The following BCR variants were observed in gnomAD, a reference collection of about 807,000 sequenced individuals.
The protein encoded by BCR is BCR activator of RhoGEF and GTPase.
A neutral mutation model predicts 138.6 loss-of-function variants in BCR; 58 were observed. The observed-to-expected ratio is 0.42, with a 90% CI of 0.34 to 0.52. The LOEUF (loss-of-function observed/expected upper bound fraction) is 0.52. Ranked by LOEUF, BCR falls within the 20% of genes least tolerant of loss-of-function variation. The pLI, the probability that BCR is intolerant of heterozygous loss-of-function variation, is 0.06. For missense variants in BCR, 1,599 were observed against 1,727.2 expected (o/e 0.93, Z 1.32); for synonymous variants, 786 against 730.1 (o/e 1.08, Z -1.23).
chr22:23,288,234 C>T, intron 12 of BCR, 62 bp downstream of exon 12: 1 of 1,506,800 alleles, frequency 6.6e-7, no homozygotes, highest in Non-Finnish European at 9.2e-7. Context: ...GCTGGCAGCT[C>T]CTGTGGTTTT....
Position 23,289,806 on chromosome 22 carries a change from T to C in BCR, c.2707+185T>C, listed in dbSNP as rs147688386. The C allele has an allele frequency of 2.6e-3, 1,572 of 609,320 alleles. 18 individuals carry two copies. In the African/African-American group the frequency reaches 0.026, roughly 10 times the overall value. 37.7% of individuals were successfully genotyped at this position (609,320 alleles called of 1,614,324 possible). A position where few individuals can be genotyped will look rare whatever the true frequency, so the allele number is the denominator to read the frequency against. On this transcript the variant is annotated intron_variant, in intron 13 of 22. Coordinates refer to ENST00000305877, the MANE Select transcript of BCR (RefSeq NM_004327.4). ...AGTGGACAAGGTGGGTTAGGAGCAG[T>C]TTCTCCCTGAGTGGCTGCTGCTGGG... is the stretch of plus-strand genomic sequence containing the variant.
intron 11 of BCR, 56 bp downstream of exon 11, chr22:23,287,334 G>A: frequency 1.4e-6 from 2 of 1,481,112 alleles, no homozygotes; most frequent in South Asian, 2.8e-5. Context: ...TGGGCTCCTG[G>A]TTGCCTAATG....
chr22:23,301,759 AC>A (rs892773445), intron 16 of BCR, among the ~76,000 whole-genome samples: 8 of 150,164 alleles, frequency 5.3e-5, no homozygotes, highest in Non-Finnish European at 1.0e-4. Flanking sequence ...GTTCTTGGGG[AC>A]CCCCCCGCCA....
rs1295105702 is a variant in BCR at position 23,180,586 on chromosome 22, G to A, written c.-375G>A. ...CGTCCGAGGAGGCGGCGGCGGCGGC[G>A]GCGGCACGGCGGCGGCGGGGCTGTG... is the stretch of plus-strand genomic sequence containing the variant. On this transcript the variant is annotated 5_prime_UTR_variant, in exon 1 of 23. Coordinates refer to ENST00000305877, the MANE Select transcript of BCR (RefSeq NM_004327.4). The A allele has an allele frequency of 2.6e-3, 97 of 36,672 alleles. No homozygotes were observed. In the African/African-American group the frequency reaches 0.033, roughly 13 times the overall value. The allele number at this position is 36,672 out of a possible 1,614,324, so 2.3% of individuals were successfully genotyped here. A position where few individuals can be genotyped will look rare whatever the true frequency, so the allele number is the denominator to read the frequency against.
intron 1 of BCR, among the ~76,000 whole-genome samples, chr22:23,236,913 CAG>C (rs2073032924): frequency 6.6e-6 from 1 of 152,208 alleles, no homozygotes; most frequent in East Asian, 1.9e-4. Context: ...CTGGCTCTGG[CAG>C]GGGGTAGCTG....
At chr22:23,285,285 G>C in intron 10 of BCR, 84 bp downstream of exon 10, 1 of 1,445,804 alleles carries the variant, frequency 6.9e-7, no homozygotes, top group Non-Finnish European at 9.3e-7. Context: ...TGCTTTCTCC[G>C]TCAGGCCTCT....
intron 2 of BCR, among the ~76,000 whole-genome samples, chr22:23,257,434 T>C (rs929145543): frequency 6.6e-6 from 1 of 152,224 alleles, no homozygotes; most frequent in African/African-American, 2.4e-5. Context: ...GGTGGGGCTG[T>C]CATGGGCCCT....
intron 18 of BCR, among the ~76,000 whole-genome samples, chr22:23,310,638 C>G (rs367849755): frequency 6.6e-6 from 1 of 152,312 alleles, no homozygotes; most frequent in South Asian, 2.1e-4. Context: ...GGCTTGGAAG[C>G]AGTAGGCTGG....
chr22:23,210,422 G>T (rs9680717), intron 1 of BCR, among the ~76,000 whole-genome samples: 1 of 101,850 alleles, frequency 9.8e-6, no homozygotes, highest in African/African-American at 3.3e-5. Flanking sequence ...GTCTCAAAAA[G>T]AAAAAAAAAA....
At chr22:23,215,168 T>A (rs550426126) in intron 1 of BCR, among the ~76,000 whole-genome samples, 14 of 152,244 alleles carry the variant, frequency 9.2e-5, no homozygotes, top group South Asian at 2.1e-4. Context: ...TAGAATTTTC[T>A]TCCTTTTTAA....
chr22:23,199,567 C>T (rs1191544834), intron 1 of BCR, among the ~76,000 whole-genome samples: 1 of 152,130 alleles, frequency 6.6e-6, no homozygotes, highest in African/African-American at 2.4e-5. Flanking sequence ...AGGGGTCTGC[C>T]GCCTAATACC....
chr22:23,287,473 G>T (rs541372306), intron 11 of BCR, among the ~76,000 whole-genome samples, 195 bp downstream of exon 11: 2 of 152,358 alleles, frequency 1.3e-5, no homozygotes, highest in South Asian at 4.1e-4. Context: ...AGCTGGCTCA[G>T]CTCCCACAGC....
Position 23,203,219 on chromosome 22 carries a change from G to A in BCR, c.1279+20980G>A, listed in dbSNP as rs115961389. ...ATGATGGGGTGGGCCTCTGTCACTGGATTTACCAGGTCAGAGAGGTGGATG... is the reference window on the plus strand; with the variant it reads ...ATGATGGGGTGGGCCTCTGTCACTGAATTTACCAGGTCAGAGAGGTGGATG... On this transcript the variant is annotated intron_variant, in intron 1 of 22. Transcript: ENST00000305877. Among the ~76,000 whole-genome samples, 1,465 of 152,276 alleles carry A rather than the reference G, an allele frequency of 9.6e-3. 17 individuals carry two copies. Among genetic ancestry groups the A allele is most frequent in the African/African-American group, 0.033 (1,381 of 41,538 alleles).
In BCR at chr22:23,270,445, C is replaced by T. The variant is rs186399315; in HGVS notation, c.1861-1087C>T. 5.1e-3 allele frequency among the ~76,000 whole-genome samples: 773 copies of T among 152,320 alleles called. 8 individuals carry two copies. The highest frequency in any genetic ancestry group is 0.018 in the African/African-American group (735 of 41,572). Reference sequence around the variant, plus strand: ...CCAAGCATCACACTGTCCACGGACACGTGGGCCGCCTCCCAGGCTCTTGTG... The same window carrying T: ...CCAAGCATCACACTGTCCACGGACATGTGGGCCGCCTCCCAGGCTCTTGTG... On this transcript the variant is annotated intron_variant, in intron 5 of 22. Transcript: ENST00000305877.
At chr22:23,295,244 G>A in intron 16 of BCR, 89 bp downstream of exon 16, 1 of 738,134 alleles carries the variant, frequency 1.4e-6, no homozygotes, top group Non-Finnish European at 2.1e-6. Context: ...TCATGGCCTT[G>A]CACCCAGGGT....
intron 8 of BCR, among the ~76,000 whole-genome samples, chr22:23,275,351 T>A (rs1426227036): frequency 2.0e-5 from 3 of 152,210 alleles, no homozygotes; most frequent in Admixed American, 2.0e-4. Flanking sequence ...CTGGGCCCAT[T>A]CCTTGTCTTT....
chr22:23,293,147 C>G (rs1015965665), intron 15 of BCR, among the ~76,000 whole-genome samples: 1 of 152,060 alleles, frequency 6.6e-6, no homozygotes, highest in Non-Finnish European at 1.5e-5. Flanking sequence ...CCATTTGGCC[C>G]TGCACCTTCG....
chr22:23,280,927 A>G (rs2073636488), intron 8 of BCR, among the ~76,000 whole-genome samples: 1 of 152,224 alleles, frequency 6.6e-6, no homozygotes, highest in Non-Finnish European at 1.5e-5. Context: ...GGACACACAC[A>G]GGCCTGACAC....
chr22:23,279,845 A>G (rs2073622867), intron 8 of BCR, among the ~76,000 whole-genome samples: 1 of 152,146 alleles, frequency 6.6e-6, no homozygotes, highest in Non-Finnish European at 1.5e-5. Context: ...ATCTGCTGAG[A>G]GGCTCACACA....
Sources: gnomAD v4.1 joint callset for allele counts (sites outside exome capture counted in the v4.1 genomes callset) on GRCh38, gnomAD v4.1.1 for gene constraint, MANE v1.5 for transcripts, NCBI Gene and HGNC (gene_info 2026-07-23, HGNC 2026-07-21) for gene names.